PARD3B: variants seen among roughly 807,000 people sequenced by gnomAD.
PARD3B encodes partitioning defective 3 homolog B.
PARD3B carries 103 observed loss-of-function variants against 130.2 expected under a neutral mutation model. The ratio of observed to expected loss-of-function variants is 0.79; its 90% CI spans 0.67 to 0.93. The LOEUF is 0.93. Ranked by LOEUF, PARD3B falls within the 40% of genes least tolerant of loss-of-function variation. The pLI is 0.00. For synonymous variants in PARD3B, 583 were observed against 553.2 expected (o/e 1.05, Z -0.76); for missense variants, 1,609 against 1,499.2 (o/e 1.07, Z -1.21).
chr2:204,754,472 A>G (rs1003230552), intron 2 of PARD3B, among the ~76,000 whole-genome samples: 4 of 152,146 alleles, frequency 2.6e-5, no homozygotes, highest in African/African-American at 7.2e-5. Flanking sequence ...CAGTTCCTTC[A>G]TGTAGAAAGT....
At chr2:204,693,192 T>C (rs1007861494) in intron 2 of PARD3B, among the ~76,000 whole-genome samples, 1 of 152,078 alleles carries the variant, frequency 6.6e-6, no homozygotes, top group Non-Finnish European at 1.5e-5. Context: ...CAATTTATTC[T>C]TTCCTTTATC....
At chr2:204,723,983 C>T (rs1419360952) in intron 2 of PARD3B, among the ~76,000 whole-genome samples, 1 of 152,116 alleles carries the variant, frequency 6.6e-6, no homozygotes, top group African/African-American at 2.4e-5. Flanking sequence ...GGGCATAACA[C>T]AAGAACATGA....
At chr2:204,820,951 C>A (rs6760087) in intron 2 of PARD3B, among the ~76,000 whole-genome samples, 45,380 of 152,106 alleles carry the variant, frequency 0.3, 10,664 homozygotes, top group African/African-American at 0.65. Flanking sequence ...ATGCTAACAC[C>A]CCTGTTTACA....
intron 2 of PARD3B, among the ~76,000 whole-genome samples, chr2:204,895,090 C>A (rs2046594750): frequency 6.6e-6 from 1 of 151,708 alleles, no homozygotes. Context: ...GTACATGGAG[C>A]AATGTGAAGG....
chr2:204,575,135 A>G (rs1215656012), intron 1 of PARD3B, among the ~76,000 whole-genome samples: 1 of 152,198 alleles, frequency 6.6e-6, no homozygotes, highest in East Asian at 1.9e-4. Context: ...TACCAAATAT[A>G]ACTTAACCTA....
chr2:205,482,846 C>G (rs2049295854), intron 20 of PARD3B: 1 of 152,120 alleles, frequency 6.6e-6, no homozygotes, highest in Non-Finnish European at 1.5e-5. Context: ...GAGAAACAAT[C>G]TATTTCTCCA....
chr2:205,029,171 C>A (rs1464734253), intron 3 of PARD3B, among the ~76,000 whole-genome samples: 2 of 152,118 alleles, frequency 1.3e-5, no homozygotes, highest in Non-Finnish European at 2.9e-5. Context: ...TAAAAATGTT[C>A]ACAAATATAT....
rs78028156 is a variant in PARD3B at position 205,442,951 on chromosome 2, C to T, written c.3044+2279C>T. ...CTAAAGCTGCTTTCAATAGAGTTTT[C>T]ACCGCTGTCCTATTTTTGGATAGCA... is the stretch of plus-strand genomic sequence containing the variant. On this transcript the variant is annotated intron_variant, in intron 20 of 22. Coordinates refer to ENST00000406610, the MANE Select transcript of PARD3B (RefSeq NM_001302769.2). Among the ~76,000 whole-genome samples, 141 of 152,262 alleles carry T rather than the reference C, an allele frequency of 9.3e-4. 2 individuals carry two copies. The East Asian group carries it at 0.021, about 23-fold the overall frequency.
At chr2:204,745,873 C>A (rs2040202256) in intron 2 of PARD3B, among the ~76,000 whole-genome samples, 1 of 152,038 alleles carries the variant, frequency 6.6e-6, no homozygotes. Flanking sequence ...CCCAAAGCCC[C>A]ATCCTCCCAG....
intron 2 of PARD3B, among the ~76,000 whole-genome samples, chr2:204,899,552 G>A (rs1291722634): frequency 6.6e-6 from 1 of 151,868 alleles, no homozygotes; most frequent in Non-Finnish European, 1.5e-5. Flanking sequence ...ATATTTTGTT[G>A]TTTCTATTTG....
At chr2:205,297,326 CT>C (rs767036922) in intron 16 of PARD3B, among the ~76,000 whole-genome samples, 17 of 152,056 alleles carry the variant, frequency 1.1e-4, no homozygotes, top group Non-Finnish European at 1.9e-4. Context: ...GACAGTGAAT[CT>C]TCTCATTTTA....
chr2:205,357,117 A>G (rs2044223174), intron 18 of PARD3B, among the ~76,000 whole-genome samples: 1 of 152,160 alleles, frequency 6.6e-6, no homozygotes, highest in African/African-American at 2.4e-5. Flanking sequence ...TTATCTGTTC[A>G]CTCATTCATT....
intron 3 of PARD3B, among the ~76,000 whole-genome samples, chr2:204,975,771 T>A (rs1692088674): frequency 6.6e-6 from 1 of 152,224 alleles, no homozygotes; most frequent in Admixed American, 6.5e-5. Context: ...CAGTTGAATG[T>A]CAAAATAGTG....
intron 10 of PARD3B, among the ~76,000 whole-genome samples, chr2:205,132,147 A>G (rs770363721): frequency 6.6e-6 from 1 of 152,202 alleles, no homozygotes; most frequent in African/African-American, 2.4e-5. Context: ...ACCATTGCTC[A>G]TTTGAATGAG....
At chr2:205,527,840 C>T (rs972140666) in intron 21 of PARD3B, among the ~76,000 whole-genome samples, 8 of 152,180 alleles carry the variant, frequency 5.3e-5, no homozygotes, top group African/African-American at 1.9e-4. Flanking sequence ...TTAGGAGTAA[C>T]ACAGAAGTTT....
intron 4 of PARD3B, among the ~76,000 whole-genome samples, chr2:205,052,140 G>C (rs147229823): frequency 2.6e-4 from 40 of 152,052 alleles, no homozygotes; most frequent in Non-Finnish European, 4.4e-4. Context: ...ACTTGCAATG[G>C]AACAGAACTC....
At chr2:204,921,717 C>A (rs997040331) in intron 2 of PARD3B, among the ~76,000 whole-genome samples, 1 of 151,876 alleles carries the variant, frequency 6.6e-6, no homozygotes, top group Non-Finnish European at 1.5e-5. Flanking sequence ...TTGGAGCAAG[C>A]CTGTGTCATG....
At chr2:204,622,859 C>A (rs1559190851) in intron 1 of PARD3B, among the ~76,000 whole-genome samples, 1 of 152,090 alleles carries the variant, frequency 6.6e-6, no homozygotes, top group East Asian at 1.9e-4. Flanking sequence ...AGTGCTAGAA[C>A]TTCTTTAATG....
chr2:204,948,660 T>C (rs1414595567), intron 2 of PARD3B, among the ~76,000 whole-genome samples: 1 of 152,124 alleles, frequency 6.6e-6, no homozygotes, highest in African/African-American at 2.4e-5. Context: ...TCTTACAGGG[T>C]TTTCTAAGTG....
Sources: gnomAD v4.1 joint callset for allele counts (sites outside exome capture counted in the v4.1 genomes callset) on GRCh38, gnomAD v4.1.1 for gene constraint, MANE v1.5 for transcripts, NCBI Gene and HGNC (gene_info 2026-07-23, HGNC 2026-07-21) for gene names.